LIMCH1: variants seen among roughly 807,000 people sequenced by gnomAD.
The protein encoded by LIMCH1 is LIM and calponin homology domains-containing protein 1.
Under a neutral mutation model 176.5 loss-of-function variants are expected in LIMCH1, and 113 were observed. The observed-to-expected ratio is 0.64, with a 90% CI of 0.55 to 0.75. The LOEUF (loss-of-function observed/expected upper bound fraction) is 0.75, where lower values mean the gene tolerates loss of function less well. LIMCH1 is among the 30% of genes least tolerant of loss of function. The pLI is 0.00. For synonymous variants in LIMCH1, 619 were observed against 645.9 expected, an observed-to-expected ratio of 0.96 and a Z score of 0.63; for missense variants, 1,674 against 1,814.9, an observed-to-expected ratio of 0.92 and a Z score of 1.41.
intron 1 of LIMCH1, among the ~76,000 whole-genome samples, chr4:41,469,163 G>A (rs2066582601): frequency 6.6e-6 from 1 of 152,152 alleles, no homozygotes; most frequent in Admixed American, 6.5e-5. Flanking sequence ...CCTCCTGGTA[G>A]CCGGACACTG....
intron 1 of LIMCH1, among the ~76,000 whole-genome samples, chr4:41,429,607 A>G (rs1189939232): frequency 6.6e-6 from 1 of 152,218 alleles, no homozygotes; most frequent in Non-Finnish European, 1.5e-5. Context: ...AAGGATGGTG[A>G]GGTCCGCAGA....
intron 2 of LIMCH1, among the ~76,000 whole-genome samples, chr4:41,600,783 G>A (rs940882141): frequency 1.3e-5 from 2 of 152,034 alleles, no homozygotes; most frequent in African/African-American, 4.8e-5. Context: ...TGGGAAGATG[G>A]AACAACTGAC....
rs191508329 is a variant in LIMCH1 at position 41,419,406 on chromosome 4, G to A, written c.96+58470G>A. On this transcript the variant is annotated intron_variant, in intron 1 of 26. Transcript: ENST00000313860. ...TTGGCCAGGCTGGTCTCAAACAGGA[G>A]TTTGTGATCCGCCCACCTCGGCCTC... is the stretch of plus-strand genomic sequence containing the variant. Among the ~76,000 whole-genome samples the A allele has an allele frequency of 7.2e-4, 110 of 152,058 alleles. 1 individual carries two copies. The highest frequency in any genetic ancestry group is 1.1e-3 in the Non-Finnish European group (76 of 67,972).
intron 20 of LIMCH1, among the ~76,000 whole-genome samples, chr4:41,666,237 A>G (rs949923240): frequency 3.9e-5 from 6 of 152,222 alleles, no homozygotes; most frequent in Non-Finnish European, 7.3e-5. Context: ...TGGTACCATG[A>G]AGAGAATTTG....
rs186913479 is a variant in LIMCH1 at position 41,415,941 on chromosome 4, C to A, written c.96+55005C>A. On this transcript the variant is annotated intron_variant, in intron 1 of 26. Transcript: ENST00000313860. ...GCAGTGAGCCAAGATCACGCCATTG[C>A]ACTCCAGCCTGGGTGAGAGAGTGAG... Among the ~76,000 whole-genome samples, 8 of 151,874 alleles carry A rather than the reference C, an allele frequency of 5.3e-5. No individual in the cohort carries two copies. In the East Asian group the frequency reaches 1.6e-3, roughly 29 times the overall value.
chr4:41,532,015 C>A (rs749619388), intron 3 of LIMCH1, among the ~76,000 whole-genome samples: 1 of 152,174 alleles, frequency 6.6e-6, no homozygotes, highest in Admixed American at 6.5e-5. Context: ...TCATCCCTGG[C>A]ACAGTATGAG....
intron 13 of LIMCH1, 104 bp downstream of exon 13, chr4:41,633,912 C>T: frequency 8.0e-7 from 1 of 1,256,796 alleles, no homozygotes; most frequent in South Asian, 1.5e-5. Flanking sequence ...CCTGCTGTTG[C>T]TAGCAGAAAC....
At chr4:41,542,237 G>A (rs1583755537) in intron 1 of LIMCH1, among the ~76,000 whole-genome samples, 1 of 152,054 alleles carries the variant, frequency 6.6e-6, no homozygotes, top group Non-Finnish European at 1.5e-5. Flanking sequence ...TGGTTCCATT[G>A]AGAACCAGCC....
At chr4:41,500,884 A>G (rs2073144168) in intron 2 of LIMCH1, among the ~76,000 whole-genome samples, 1 of 152,164 alleles carries the variant, frequency 6.6e-6, no homozygotes, top group Non-Finnish European at 1.5e-5. Flanking sequence ...TGGAGGATGG[A>G]GGGGTTTCAG....
At chr4:41,463,256 A>G (rs1313325527) in intron 1 of LIMCH1, among the ~76,000 whole-genome samples, 1 of 152,106 alleles carries the variant, frequency 6.6e-6, no homozygotes, top group Non-Finnish European at 1.5e-5. Context: ...AGATCTAGAC[A>G]TGATTGGCTT....
At chr4:41,652,584 A>G (rs985165318) in intron 18 of LIMCH1, among the ~76,000 whole-genome samples, 1 of 152,248 alleles carries the variant, frequency 6.6e-6, no homozygotes, top group African/African-American at 2.4e-5. Context: ...AAATTAAACT[A>G]GAAGACCCCA....
intron 1 of LIMCH1, among the ~76,000 whole-genome samples, chr4:41,408,917 G>A (rs2059232848): frequency 6.6e-6 from 1 of 152,190 alleles, no homozygotes; most frequent in Non-Finnish European, 1.5e-5. Flanking sequence ...TTCTAGCGAT[G>A]ATCAGCAATT....
rs913235159 is a variant in LIMCH1, at chr4:41,676,403, C to A, written c.3460C>A (p.Pro1154Thr). 5 of 1,613,864 alleles carry A rather than the reference C, an allele frequency of 3.1e-6. No individual in the cohort carries two copies. The highest frequency in any genetic ancestry group is 4.2e-6 in the Non-Finnish European group (5 of 1,179,858). ...GCAGTTTAAGTTCTGGGCATGGGAC[C>A]CAGAAGAGGAGCGCAGGCGACAGGA... ...MTPFKFWAWD[P>T]EEERRRQEKW... Residue 1154 changes from proline to threonine, a missense_variant, in exon 23 of 32, where the codon CCA becomes ACA. Transcript: ENST00000503057.
chr4:41,582,090 A>G (rs927718865), intron 1 of LIMCH1, among the ~76,000 whole-genome samples: 1 of 152,198 alleles, frequency 6.6e-6, no homozygotes, highest in African/African-American at 2.4e-5. Flanking sequence ...AACTCTTCCA[A>G]CTGAATTTAA....
At chr4:41,598,329 G>T (rs910799054) in intron 1 of LIMCH1, among the ~76,000 whole-genome samples, 2 of 151,978 alleles carry the variant, frequency 1.3e-5, no homozygotes, top group Admixed American at 1.3e-4. Context: ...ACAGTCTTTT[G>T]CATTAGTATT....
chr4:41,523,019 C>T (rs1027133184), intron 2 of LIMCH1, among the ~76,000 whole-genome samples: 2 of 152,032 alleles, frequency 1.3e-5, no homozygotes, highest in South Asian at 2.1e-4. Context: ...TGAAAATTAC[C>T]GAGAACAGCC....
chr4:41,549,053 C>T (rs1026469839), intron 1 of LIMCH1, among the ~76,000 whole-genome samples: 1 of 151,164 alleles, frequency 6.6e-6, no homozygotes, highest in African/African-American at 2.4e-5. Context: ...TTGTCCCCTA[C>T]TGTTAATTTT....
chr4:41,451,962 C>CACCA (rs1340648422), intron 1 of LIMCH1, among the ~76,000 whole-genome samples: 1 of 152,180 alleles, frequency 6.6e-6, no homozygotes, highest in African/African-American at 2.4e-5. Flanking sequence ...AGGCTTCATT[C>CACCA]ACCACTTTGC....
intron 1 of LIMCH1, among the ~76,000 whole-genome samples, chr4:41,559,795 C>T (rs1301158028): frequency 6.6e-6 from 1 of 152,158 alleles, no homozygotes; most frequent in Non-Finnish European, 1.5e-5. Context: ...CCTTTATATG[C>T]ACCCTACCCC....
Sources: allele counts gnomAD v4.1 joint callset (sites outside exome capture counted in the v4.1 genomes callset), GRCh38; gene constraint gnomAD v4.1.1; transcripts MANE v1.5; gene names NCBI Gene and HGNC (gene_info 2026-07-23, HGNC 2026-07-21).